The following ASMTL variants were observed in gnomAD, a reference collection of about 807,000 sequenced individuals.
ASMTL encodes probable bifunctional dTTP/UTP pyrophosphatase/methyltransferase protein.
ASMTL carries 57 observed loss-of-function variants against 60.3 expected under a neutral mutation model. The ratio of observed to expected loss-of-function variants is 0.95; its 90% CI spans 0.76 to 1.18. ASMTL has a LOEUF of 1.18. Among genes scored for constraint, ASMTL ranks in the 50% most tolerant of loss-of-function variants. The pLI, the probability that ASMTL is intolerant of heterozygous loss-of-function variation, is 0.00. For missense variants in ASMTL, 981 were observed against 852.6 expected (o/e 1.15, Z -1.88); for synonymous variants, 419 against 373.0 (o/e 1.12, Z -1.42).
chrX:1,432,170 GCCT>G, intron 6 of ASMTL, 96 bp downstream of exon 6: 1 of 987,844 alleles, frequency 1.0e-6, no homozygotes, highest in Non-Finnish European at 1.6e-6. Flanking sequence ...CCGGAGCGGG[GCCT>G]CCTTCTTTCC....
At chrX:1,414,861 G>A (rs1294104260) in intron 11 of ASMTL, among the ~76,000 whole-genome samples, 3 of 152,172 alleles carry the variant, frequency 2.0e-5, no homozygotes, top group African/African-American at 7.2e-5. Flanking sequence ...GAGGGTTGTG[G>A]AGGTCCCCAG....
chrX:1,404,404 GATGGATGGATGGATGCAGGC>G (rs2089721986), intron 12 of ASMTL, among the ~76,000 whole-genome samples: 7 of 150,722 alleles, frequency 4.6e-5, no homozygotes, highest in African/African-American at 1.5e-4. Context: ...TAGGTGGATG[GATGGATGGATGGATGCAGGC>G]ATGGATGAGA....
At chrX:1,426,220 T>C (rs5989891) in intron 7 of ASMTL, among the ~76,000 whole-genome samples, 101,439 of 151,790 alleles carry the variant, frequency 0.67, 34,897 homozygotes, top group South Asian at 0.86. Context: ...ACGTTGATCT[T>C]GGACCTCCAG....
intron 8 of ASMTL, among the ~76,000 whole-genome samples, chrX:1,422,143 G>A (rs1311607315): frequency 1.8e-4 from 27 of 152,114 alleles, no homozygotes; most frequent in African/African-American, 5.8e-4. Flanking sequence ...CTTCATGATC[G>A]TGGCCACGCT....
At chrX:1,435,482 C>G in intron 4 of ASMTL, 1 of 635,536 alleles carries the variant, frequency 1.6e-6, no homozygotes. Context: ...ATGAGACATT[C>G]TGGGATCAGT....
At chrX:1,411,738 A>C (rs117899900) in intron 12 of ASMTL, among the ~76,000 whole-genome samples, 70,905 of 128,374 alleles carry the variant, frequency 0.55, 16,965 homozygotes, top group African/African-American at 0.63. Flanking sequence ...CCTCCTCAAG[A>C]ATGAAGACTT....
At position 1,425,633 on chromosome X, in the gene ASMTL, G is replaced by T; in HGVS notation, c.952C>A (p.Pro318Thr). Residue 318 changes from proline (P) to threonine (T), a missense_variant, in exon 8 of 13, where the codon CCC becomes ACC. Physicochemically the swap from Pro to Thr is conservative, Grantham distance 38. Coordinates refer to ENST00000381317, the MANE Select transcript of ASMTL (RefSeq NM_004192.4). ...CTGGCAATATCCGCAGCCTTCTGGG[G>T]TGCTTCATCTTTTAACAAATCGAAC... ...KVFDLLKDEA[P>T]QKAADIASKV... The T allele has an allele frequency of 6.2e-7, 1 of 1,613,740 alleles. No homozygotes were observed. Among genetic ancestry groups the T allele is most frequent in the Non-Finnish European group, 8.5e-7 (1 of 1,179,796 alleles).
chrX:1,443,427 C>G (rs866904332), intron 1 of ASMTL, among the ~76,000 whole-genome samples: 4 of 138,144 alleles, frequency 2.9e-5, no homozygotes, highest in African/African-American at 1.3e-4. Flanking sequence ...TGGACACACA[C>G]CGCCATCTTG....
rs1173912949 is a variant in ASMTL, at chrX:1,403,297, G to A, written c.1838C>T (p.Ala613Val). The A allele has an allele frequency of 1.9e-6, 3 of 1,613,004 alleles. No individual in the cohort carries two copies. The highest frequency in any genetic ancestry group is 3.3e-5 in the Admixed American group (2 of 59,994). ...QVVHLGGVLD[A>V]ILATKVAP ...GGGGGCCACTTTGGTGGCCAAGATGGCATCCAGGACACCCCCCAAGTGCAC... is the reference window on the plus strand; with the variant it reads ...GGGGGCCACTTTGGTGGCCAAGATGACATCCAGGACACCCCCCAAGTGCAC... The change falls in exon 13 of 13, where the codon GCC becomes GTC. Residue 613 changes from alanine to valine, a missense_variant. Physicochemically the swap from Ala to Val is moderately conservative, Grantham distance 64. Transcript: ENST00000381317.
chrX:1,434,229 C>A (rs2090897542), intron 5 of ASMTL, among the ~76,000 whole-genome samples: 1 of 152,134 alleles, frequency 6.6e-6, no homozygotes, highest in Non-Finnish European at 1.5e-5. Context: ...ATGGTGAACA[C>A]CTGCAGTCCC....
rs1283501018 is a variant in ASMTL at position 1,419,025 on chromosome X, C to T, written c.1335G>A (p.Thr445=). 170 of 1,611,736 alleles carry T rather than the reference C, an allele frequency of 1.1e-4. No homozygotes were observed. The highest frequency in any genetic ancestry group is 1.4e-4 in the Non-Finnish European group (160 of 1,179,750). ...MTKLTACQVA[T]AFNLSRFSSA... is the part of the protein sequence containing the mutation. Reference sequence around the variant, plus strand: ...AGGAGAAGCGGGACAGATTGAAGGCCGTGGCCACCTGGCACGCAGTCAGCT... The same window carrying T: ...AGGAGAAGCGGGACAGATTGAAGGCTGTGGCCACCTGGCACGCAGTCAGCT... The change falls in exon 10 of 13, where the codon ACG becomes ACA. Residue 445 remains threonine, a synonymous_variant. Coordinates refer to ENST00000381317, the MANE Select transcript of ASMTL (RefSeq NM_004192.4).
chrX:1,434,850 G>T, intron 5 of ASMTL, 172 bp downstream of exon 5: 3 of 163,792 alleles, frequency 1.8e-5, no homozygotes, highest in Non-Finnish European at 3.8e-5. Flanking sequence ...GTTTTCCTTT[G>T]TCCTGCAGAC....
chrX:1,430,089 AC>A (rs1421532913), intron 6 of ASMTL, among the ~76,000 whole-genome samples: 3 of 151,292 alleles, frequency 2.0e-5, no homozygotes, highest in African/African-American at 7.3e-5. Context: ...ATCTCGGCTC[AC>A]TGCAACCTCC....
rs2091427554 is a variant in ASMTL at position 1,452,711 on chromosome X, T to TCCCCGGTCCCCTG, written c.93+24_93+36dup. Reference sequence around the variant, plus strand: ...GGCCCTCCGGGGTTCAGCCCCTCCGTCCCCGGTCCCCTGCCCCGCCCAGGC... The same window carrying TCCCCGGTCCCCTG: ...GGCCCTCCGGGGTTCAGCCCCTCCGTCCCCGGTCCCCTGCCCCGGTCCCCTGCCCCGCCCAGGC... On this transcript the variant is annotated intron_variant, in intron 1 of 12. Transcript: ENST00000381317. The TCCCCGGTCCCCTG allele has an allele frequency of 2.6e-6, 4 of 1,537,932 alleles. No individual in the cohort carries two copies. In the South Asian group the frequency reaches 4.7e-5, roughly 18 times the overall value.
At chrX:1,416,532 C>CACACATATATCCACACAG in intron 11 of ASMTL, among the ~76,000 whole-genome samples, 1 of 151,206 alleles carries the variant, frequency 6.6e-6, no homozygotes, top group African/African-American at 2.4e-5. Context: ...CACAGATGGG[C>CACACATATATCCACACAG]ACACGCACGG....
intron 6 of ASMTL, among the ~76,000 whole-genome samples, chrX:1,428,576 G>C (rs1259451083): frequency 1.3e-5 from 2 of 151,240 alleles, no homozygotes; most frequent in African/African-American, 2.4e-5. Flanking sequence ...GAACCCAGGA[G>C]GAGGAGGTTG....
intron 11 of ASMTL, among the ~76,000 whole-genome samples, chrX:1,417,542 CACAG>C (rs2090335501): frequency 1.9e-5 from 2 of 106,808 alleles, no homozygotes; most frequent in Admixed American, 2.2e-4. Context: ...CACACATGCA[CACAG>C]ACACACAAGC....
At position 1,410,500 on chromosome X, in the gene ASMTL, C is replaced by T. The variant is rs753155815; in HGVS notation, c.1645+2232G>A. On this transcript the variant is annotated intron_variant, in intron 12 of 12. Coordinates refer to ENST00000381317, the MANE Select transcript of ASMTL (RefSeq NM_004192.4). ...CGCGATCTCTGCTCACTGCAACCTTCGCCTCCCAGGTTCAAGTGATGTCCT... is the reference window on the plus strand; with the variant it reads ...CGCGATCTCTGCTCACTGCAACCTTTGCCTCCCAGGTTCAAGTGATGTCCT... 1.1e-4 allele frequency among the ~76,000 whole-genome samples: 17 copies of T among 151,996 alleles called. No homozygotes were observed. The South Asian group carries it at 1.9e-3, about 17-fold the overall frequency.
At chrX:1,442,345 G>A in intron 1 of ASMTL, 28 bp from the exon 2 acceptor site, 1 of 1,613,140 alleles carries the variant, frequency 6.2e-7, no homozygotes, top group Non-Finnish European at 8.5e-7. Context: ...GGGTCAGAAG[G>A]GTCAATGAAA....
Sources: allele counts gnomAD v4.1 joint callset (sites outside exome capture counted in the v4.1 genomes callset), GRCh38; gene constraint gnomAD v4.1.1; transcripts MANE v1.5; gene names NCBI Gene and HGNC (gene_info 2026-07-23, HGNC 2026-07-21).